Variants in MYO1B observed in about 807,000 individuals in gnomAD.
The protein encoded by MYO1B is myosin IB.
In MYO1B, 72 loss-of-function variants were observed where a neutral mutation model predicts 159.7. The observed-to-expected ratio is 0.45, with a 90% CI of 0.37 to 0.55. The LOEUF (loss-of-function observed/expected upper bound fraction) is 0.55, where lower values mean the gene tolerates loss of function less well. Among genes scored for constraint, MYO1B ranks in the 20% least tolerant of loss-of-function variants. The pLI is 0.00. For missense variants in MYO1B, 1,062 were observed against 1,364.8 expected (o/e 0.78, Z 3.50); for synonymous variants, 468 against 473.8 (o/e 0.99, Z 0.16).
At chr2:191,375,913 TACACCACTGC>T (rs1398941468) in intron 13 of MYO1B, among the ~76,000 whole-genome samples, 2 of 150,660 alleles carry the variant, frequency 1.3e-5, no homozygotes, top group Non-Finnish European at 2.9e-5. Flanking sequence ...GAGCCGAGAT[TACACCACTGC>T]ACTCCAGCCT....
At chr2:191,286,887 C>T (rs1412816052) in intron 2 of MYO1B, among the ~76,000 whole-genome samples, 1 of 152,126 alleles carries the variant, frequency 6.6e-6, no homozygotes, top group Non-Finnish European at 1.5e-5. Context: ...GCCAGGATCG[C>T]ACCACTGCAC....
chr2:191,360,391 A>G (rs1693586137), intron 7 of MYO1B, among the ~76,000 whole-genome samples: 1 of 152,200 alleles, frequency 6.6e-6, no homozygotes, highest in African/African-American at 2.4e-5. Flanking sequence ...ATATTTAATC[A>G]GTGTTTTGAA....
rs1559183087 is a variant in MYO1B, at chr2:191,341,572, TG to T, written c.451+8del. On this transcript the variant is annotated splice_region_variant and intron_variant, in intron 5 of 30. Coordinates refer to ENST00000392318, the MANE Select transcript of MYO1B (RefSeq NM_001130158.3). ...TCCAACCCGGTCCTGGAAGGTAGGA[TG>T]TGTTATGTTCATTAAGTCGGTGTGA... 2 of 1,608,094 alleles carry T rather than the reference TG, an allele frequency of 1.2e-6. No individual in the cohort carries two copies. The highest frequency in any genetic ancestry group is 1.7e-6 in the Non-Finnish European group (2 of 1,175,152).
Position 191,363,599 on chromosome 2 carries a change from C to A in MYO1B, c.766-129C>A, listed in dbSNP as rs1449240130. On this transcript the variant is annotated intron_variant, in intron 9 of 30. Coordinates refer to ENST00000392318, the MANE Select transcript of MYO1B (RefSeq NM_001130158.3). ...GGGTTCCTCGAATCACAGTTGGAAA[C>A]CACTGAAGATATAGCTTTGTCTTTT... is the stretch of plus-strand genomic sequence containing the variant. 4 of 1,257,932 alleles carry A rather than the reference C, an allele frequency of 3.2e-6. No individual in the cohort carries two copies. The East Asian group carries it at 1.0e-4, about 32-fold the overall frequency. The allele number at this position is 1,257,932 out of a possible 1,614,324, so 77.9% of individuals were successfully genotyped here. A position where few individuals can be genotyped will look rare whatever the true frequency, so the allele number is the denominator to read the frequency against.
intron 30 of MYO1B, among the ~76,000 whole-genome samples, chr2:191,417,319 A>G (rs1381598768): frequency 6.6e-6 from 1 of 152,184 alleles, no homozygotes; most frequent in African/African-American, 2.4e-5. Flanking sequence ...TGCTGTTCGG[A>G]CTAAATAACT....
At chr2:191,261,624 G>T (rs533116329) in intron 1 of MYO1B, among the ~76,000 whole-genome samples, 1 of 152,276 alleles carries the variant, frequency 6.6e-6, no homozygotes, top group Non-Finnish European at 1.5e-5. Flanking sequence ...GACGCCTGCT[G>T]CAAAGGTCTT....
intron 2 of MYO1B, among the ~76,000 whole-genome samples, chr2:191,278,553 G>A (rs988764609): frequency 1.3e-5 from 2 of 152,196 alleles, no homozygotes; most frequent in African/African-American, 4.8e-5. Flanking sequence ...AAGGTTGATG[G>A]TAACAAGAGG....
chr2:191,340,576 C>A (rs1048149318), intron 4 of MYO1B, among the ~76,000 whole-genome samples: 3 of 152,094 alleles, frequency 2.0e-5, no homozygotes, highest in African/African-American at 7.2e-5. Context: ...GCTTTAGTAA[C>A]GGGGTTACTA....
chr2:191,294,856 A>G (rs1688887950), intron 2 of MYO1B, among the ~76,000 whole-genome samples: 1 of 152,070 alleles, frequency 6.6e-6, no homozygotes, highest in Non-Finnish European at 1.5e-5. Flanking sequence ...CATAATTAAT[A>G]TCATTGTGAC....
chr2:191,246,303 G>T (rs1685790175), intron 1 of MYO1B: 1 of 152,490 alleles, frequency 6.6e-6, no homozygotes, highest in Admixed American at 6.5e-5. Context: ...GCTACGAAGG[G>T]TGGTGGGGCC....
chr2:191,381,397 G>T, intron 13 of MYO1B, 65 bp from the exon 14 acceptor site: 1 of 1,100,834 alleles, frequency 9.1e-7, no homozygotes, highest in South Asian at 1.3e-5. Flanking sequence ...AGATGTCTGA[G>T]TGTCATTGTT....
chr2:191,390,384 T>C lies in MYO1B; in HGVS notation c.1874T>C (p.Val625Ala), dbSNP rs1212251149. The C allele has an allele frequency of 1.2e-6, 2 of 1,614,236 alleles. No homozygotes were observed. Among genetic ancestry groups the C allele is most frequent in the Non-Finnish European group, 1.7e-6 (2 of 1,180,036 alleles). ...AGGTACCTGGGGCTTTTGGAGAACG[T>C]CCGAGTGCGGAGGGCAGGCTACGCC... ...QIRYLGLLEN[V>A]RVRRAGYAFR... Residue 625 changes from valine to alanine, a missense_variant, in exon 18 of 31, where the codon GTC (valine) becomes GCC (alanine). Coordinates refer to ENST00000392318, the MANE Select transcript of MYO1B (RefSeq NM_001130158.3).
chr2:191,423,476 G>A (rs1384697908), intron 30 of MYO1B, among the ~76,000 whole-genome samples: 1 of 152,170 alleles, frequency 6.6e-6, no homozygotes, highest in African/African-American at 2.4e-5. Context: ...GTAGTGTATT[G>A]CCCTACATTA....
chr2:191,306,957 A>G (rs1262006813), intron 3 of MYO1B, among the ~76,000 whole-genome samples: 1 of 152,212 alleles, frequency 6.6e-6, no homozygotes, highest in Non-Finnish European at 1.5e-5. Flanking sequence ...CCAACAGTTC[A>G]GTTTGTTTAC....
intron 4 of MYO1B, among the ~76,000 whole-genome samples, chr2:191,334,766 C>T (rs765884660): frequency 4.6e-5 from 7 of 152,144 alleles, no homozygotes; most frequent in African/African-American, 9.7e-5. Flanking sequence ...CCAACAGAGA[C>T]GCTAGAGCAT....
chr2:191,372,795 T>C (rs1694441123), intron 13 of MYO1B, among the ~76,000 whole-genome samples: 1 of 151,148 alleles, frequency 6.6e-6, no homozygotes, highest in African/African-American at 2.4e-5. Flanking sequence ...GAATGTGCCC[T>C]CCTTCTGCAA....
At chr2:191,371,073 T>C (rs1044677600) in intron 13 of MYO1B, 1 of 152,212 alleles carries the variant, frequency 6.6e-6, no homozygotes, top group Non-Finnish European at 1.5e-5. Flanking sequence ...CTTGCTAACT[T>C]TGACATTTAG....
chr2:191,302,203 C>T (rs1022030456), intron 3 of MYO1B, among the ~76,000 whole-genome samples: 4 of 152,208 alleles, frequency 2.6e-5, no homozygotes, highest in East Asian at 3.8e-4. Context: ...TCAGACCACT[C>T]GTGGTCGTCA....
At chr2:191,405,512 A>G (rs561803100) in intron 24 of MYO1B, among the ~76,000 whole-genome samples, 4 of 152,354 alleles carry the variant, frequency 2.6e-5, no homozygotes, top group African/African-American at 7.2e-5. Flanking sequence ...ATCACTGTCT[A>G]TGGCAGGTAT....
Sources: gnomAD v4.1 joint callset for allele counts (sites outside exome capture counted in the v4.1 genomes callset) on GRCh38, gnomAD v4.1.1 for gene constraint, MANE v1.5 for transcripts, NCBI Gene and HGNC (gene_info 2026-07-23, HGNC 2026-07-21) for gene names.